The following METTL8 variants were observed in gnomAD, a reference collection of about 807,000 sequenced individuals.
The protein encoded by METTL8 is methyltransferase 8, tRNA N3-cytidine.
Under a neutral mutation model 48.7 loss-of-function variants are expected in METTL8, and 32 were observed. That is an observed-to-expected ratio of 0.66 (90% CI 0.50 to 0.88). The LOEUF (loss-of-function observed/expected upper bound fraction) is 0.88. Among genes scored for constraint, METTL8 ranks in the 40% least tolerant of loss-of-function variants. The pLI is 0.00. For missense variants in METTL8, 464 were observed against 474.4 expected, an observed-to-expected ratio of 0.98 and a Z score of 0.20; for synonymous variants, 136 against 157.1, an observed-to-expected ratio of 0.87 and a Z score of 1.01.
intron 2 of METTL8, among the ~76,000 whole-genome samples, chr2:171,389,356 C>T (rs1688367483): frequency 6.6e-6 from 1 of 151,522 alleles, no homozygotes; most frequent in Non-Finnish European, 1.5e-5. Context: ...CCCATCTCTA[C>T]AAAAAATACA....
chr2:171,338,028 TAGAA>T (rs1312983095), intron 4 of METTL8, among the ~76,000 whole-genome samples: 1 of 152,210 alleles, frequency 6.6e-6, no homozygotes, highest in African/African-American at 2.4e-5. Flanking sequence ...TACAACTTCT[TAGAA>T]AGCAAGTGGG....
intron 1 of METTL8, among the ~76,000 whole-genome samples, chr2:171,417,696 T>A (rs1463696577): frequency 6.6e-6 from 1 of 152,226 alleles, no homozygotes; most frequent in Non-Finnish European, 1.5e-5. Flanking sequence ...ATATTCCTGC[T>A]GCATTTTTAA....
chr2:171,328,471 C>G (rs902394314), intron 7 of METTL8, among the ~76,000 whole-genome samples: 8 of 152,282 alleles, frequency 5.3e-5, no homozygotes, highest in African/African-American at 1.7e-4. Context: ...GAATCTACTA[C>G]TATAGTCCTA....
At chr2:171,325,507 T>C (rs759758539) in intron 9 of METTL8, among the ~76,000 whole-genome samples, 15 of 152,228 alleles carry the variant, frequency 9.9e-5, no homozygotes, top group Non-Finnish European at 1.9e-4. Flanking sequence ...TAATTTTCTA[T>C]AAACTTATCA....
intron 3 of METTL8, among the ~76,000 whole-genome samples, chr2:171,355,733 G>A (rs1320796223): frequency 6.6e-6 from 1 of 152,202 alleles, no homozygotes; most frequent in African/African-American, 2.4e-5. Flanking sequence ...TGCTAGCAAT[G>A]AGCGAGGCTC....
At chr2:171,368,914 A>G (rs2105494532) in intron 2 of METTL8, among the ~76,000 whole-genome samples, 1 of 152,268 alleles carries the variant, frequency 6.6e-6, no homozygotes, top group East Asian at 1.9e-4. Context: ...GTTCCGTGAT[A>G]TGGTTTCATA....
intron 1 of METTL8, among the ~76,000 whole-genome samples, chr2:171,399,719 C>G (rs73976152): frequency 1.3e-5 from 2 of 152,080 alleles, no homozygotes; most frequent in African/African-American, 4.8e-5. Flanking sequence ...ATGCACATGA[C>G]AAAATACCTC....
rs1684310868 is a variant in METTL8 at position 171,317,363 on chromosome 2, A to C, written c.*6809T>G. On this transcript the variant is annotated 3_prime_UTR_variant, in exon 10 of 10. Transcript: ENST00000375258. The stretch of plus-strand genomic sequence containing the variant: ...TAACAAAATTCCATTTTTCTGGACC[A>C]AACCTCATCAGCCCAACTAGGAAAG... 6.6e-6 allele frequency: 1 copy of C among 152,240 alleles called. No individual in the cohort carries two copies. The highest frequency in any genetic ancestry group is 2.4e-5 in the African/African-American group (1 of 41,460). 9.4% of individuals were successfully genotyped at this position (152,240 alleles called of 1,614,324 possible).
intron 1 of METTL8, among the ~76,000 whole-genome samples, chr2:171,418,164 C>T (rs943220278): frequency 1.3e-5 from 2 of 152,128 alleles, no homozygotes; most frequent in Non-Finnish European, 1.5e-5. Flanking sequence ...AGGATGGTCT[C>T]GATCTCCTGA....
chr2:171,380,243 A>T (rs1482042969), intron 2 of METTL8, among the ~76,000 whole-genome samples: 1 of 152,220 alleles, frequency 6.6e-6, no homozygotes, highest in Non-Finnish European at 1.5e-5. Flanking sequence ...TTGATGGAAC[A>T]TATCTCAAAA....
intron 2 of METTL8, among the ~76,000 whole-genome samples, chr2:171,368,974 C>T (rs1424808663): frequency 6.6e-6 from 1 of 151,692 alleles, no homozygotes; most frequent in Non-Finnish European, 1.5e-5. Flanking sequence ...AGTGTAATAT[C>T]AAAAAAAACC....
chr2:171,382,857 G>A (rs764220888), intron 2 of METTL8, among the ~76,000 whole-genome samples: 10 of 152,146 alleles, frequency 6.6e-5, no homozygotes, highest in Non-Finnish European at 1.2e-4. Context: ...TGGATCACCC[G>A]AGGTCAGCAG....
chr2:171,341,933 G>T (rs571996547), intron 3 of METTL8, among the ~76,000 whole-genome samples: 1 of 152,102 alleles, frequency 6.6e-6, no homozygotes, highest in East Asian at 1.9e-4. Flanking sequence ...GTTGCCTCTA[G>T]GGAGAGGAAA....
chr2:171,358,052 A>G (rs1244753934), intron 3 of METTL8, among the ~76,000 whole-genome samples: 2 of 152,018 alleles, frequency 1.3e-5, no homozygotes, highest in Admixed American at 1.3e-4. Flanking sequence ...AATCCTGAGG[A>G]AAATGAACAA....
upstream of METTL8, chr2:171,434,592 G>A (rs1292702015): frequency 6.5e-7 from 1 of 1,527,710 alleles, no homozygotes; most frequent in Non-Finnish European, 8.7e-7. Context: ...GCCCGACCCG[G>A]AAGCCCAACG....
chr2:171,371,966 G>C (rs954570921), intron 2 of METTL8, among the ~76,000 whole-genome samples: 2 of 151,890 alleles, frequency 1.3e-5, no homozygotes, highest in Non-Finnish European at 2.9e-5. Flanking sequence ...TGGGATTACA[G>C]GCATGAGTGA....
At chr2:171,425,610 A>G (rs1692327699) in intron 1 of METTL8, among the ~76,000 whole-genome samples, 1 of 152,238 alleles carries the variant, frequency 6.6e-6, no homozygotes, top group Admixed American at 6.5e-5. Flanking sequence ...GTGAGGGTAG[A>G]ACAGGACTGT....
At chr2:171,347,403 C>T (rs1300648570) in intron 3 of METTL8, among the ~76,000 whole-genome samples, 2 of 152,160 alleles carry the variant, frequency 1.3e-5, no homozygotes, top group African/African-American at 4.8e-5. Context: ...ATAACCTTCT[C>T]ATTAGCTTCA....
chr2:171,406,125 G>A (rs529121152), intron 1 of METTL8, among the ~76,000 whole-genome samples: 1 of 152,188 alleles, frequency 6.6e-6, no homozygotes, highest in East Asian at 1.9e-4. Context: ...ATTGAAGCCA[G>A]AGGTGAACAT....
Sources: gnomAD v4.1 joint callset for allele counts (sites outside exome capture counted in the v4.1 genomes callset) on GRCh38, gnomAD v4.1.1 for gene constraint, MANE v1.5 for transcripts, NCBI Gene and HGNC (gene_info 2026-07-23, HGNC 2026-07-21) for gene names.